FAM107A: variants seen among roughly 807,000 people sequenced by gnomAD.
FAM107A encodes the protein actin-associated protein FAM107A.
Under a neutral mutation model 13.7 loss-of-function variants are expected in FAM107A, and 19 were observed. The ratio of observed to expected loss-of-function variants is 1.38; its 90% CI spans 0.97 to 2.03. The LOEUF (loss-of-function observed/expected upper bound fraction) is 2.03. Among genes scored for constraint, FAM107A ranks in the 30% most tolerant of loss-of-function variants. The pLI, the probability that FAM107A is intolerant of heterozygous loss-of-function variation, is 0.00. For missense variants in FAM107A, 203 were observed against 184.4 expected, an observed-to-expected ratio of 1.10 and a Z score of -0.58; for synonymous variants, 82 against 74.5, an observed-to-expected ratio of 1.10 and a Z score of -0.52.
upstream of FAM107A, among the ~76,000 whole-genome samples, chr3:58,590,313 T>C (rs2108064587): frequency 6.6e-6 from 1 of 152,338 alleles, no homozygotes. Flanking sequence ...CCTTGCCCTG[T>C]CTTCCTGCAA....
chr3:58,591,277 C>G (rs2065652303), upstream of FAM107A, among the ~76,000 whole-genome samples: 1 of 152,144 alleles, frequency 6.6e-6, no homozygotes, highest in African/African-American at 2.4e-5. The surrounding 1 kb of genome is among the most constrained non-coding windows in gnomAD (Gnocchi z 4.3). Context: ...ATGCTCAGTT[C>G]AGACAGGTCT....
chr3:58,576,272 A>G (rs886826423), intron 1 of FAM107A, among the ~76,000 whole-genome samples: 1 of 152,226 alleles, frequency 6.6e-6, no homozygotes, highest in South Asian at 2.1e-4. Flanking sequence ...GTCCGTTGCA[A>G]CTTCCTACCT....
At chr3:58,587,230 T>C (rs1447195198), upstream of FAM107A, 9 of 640,554 alleles carry the variant, frequency 1.4e-5, no homozygotes, top group Non-Finnish European at 2.0e-5. Context: ...GAGAACACAG[T>C]GTCCTGACTT....
At chr3:58,622,250 C>G (rs1419475521) in intron 1 of FAM107A, among the ~76,000 whole-genome samples, 1 of 152,092 alleles carries the variant, frequency 6.6e-6, no homozygotes, top group East Asian at 1.9e-4. Flanking sequence ...ACCAGCCTGG[C>G]CAACATGACA....
chr3:58,611,619 A>G (rs1438588977), intron 1 of FAM107A, among the ~76,000 whole-genome samples: 2 of 152,222 alleles, frequency 1.3e-5, no homozygotes, highest in Non-Finnish European at 2.9e-5. Flanking sequence ...CACCCACTGC[A>G]CTGGGCAGTG....
At chr3:58,571,062 G>C (rs528566011) in intron 1 of FAM107A, among the ~76,000 whole-genome samples, 3 of 152,354 alleles carry the variant, frequency 2.0e-5, no homozygotes, top group East Asian at 3.9e-4. Context: ...CCCAAATGCA[G>C]TTTCATGGAT....
At position 58,603,001 on chromosome 3, in the gene FAM107A, G is replaced by A. The variant is rs376430370; in HGVS notation, c.-69-13732C>T. ...AAATGTCCCCAGTGATTATAAACAA[G>A]TGGTGGGGAATTTTATTCATTAATT... is the stretch of plus-strand genomic sequence containing the variant. On this transcript the variant is annotated intron_variant, in intron 1 of 3. Transcript: ENST00000465970. Among the ~76,000 whole-genome samples the A allele has an allele frequency of 2.6e-5, 4 of 152,184 alleles. No homozygotes were observed. The East Asian group carries it at 7.7e-4, about 29-fold the overall frequency.
At chr3:58,611,315 C>A (rs1243821992) in intron 1 of FAM107A, among the ~76,000 whole-genome samples, 4 of 152,246 alleles carry the variant, frequency 2.6e-5, no homozygotes, top group Non-Finnish European at 4.4e-5. Context: ...TCACTCCCCA[C>A]TCCCAGTCTA....
chr3:58,614,458 G>A (rs1049520228), intron 1 of FAM107A, among the ~76,000 whole-genome samples: 23 of 151,558 alleles, frequency 1.5e-4, no homozygotes, highest in African/African-American at 4.9e-4. Flanking sequence ...CTATAAAACT[G>A]CTGTTCTGAT....
chr3:58,576,544 C>T (rs888591079), intron 1 of FAM107A, among the ~76,000 whole-genome samples: 1 of 152,254 alleles, frequency 6.6e-6, no homozygotes, highest in African/African-American at 2.4e-5. Flanking sequence ...GGATCTAAGC[C>T]ACCCAGAGAT....
upstream of FAM107A, among the ~76,000 whole-genome samples, chr3:58,591,612 C>T (rs564831083): frequency 6.6e-5 from 10 of 152,314 alleles, no homozygotes; most frequent in South Asian, 4.1e-4. The surrounding 1 kb of genome is among the most constrained non-coding windows in gnomAD (Gnocchi z 4.3). Context: ...GGGAAGCTCC[C>T]GCATTCTGCC....
intron 1 of FAM107A, among the ~76,000 whole-genome samples, chr3:58,625,513 A>G (rs1204524846): frequency 1.3e-5 from 2 of 152,244 alleles, no homozygotes; most frequent in Non-Finnish European, 2.9e-5. Context: ...CTCCACCCTC[A>G]GATCACACTA....
At chr3:58,574,620 G>A (rs977822831) in intron 1 of FAM107A, among the ~76,000 whole-genome samples, 1 of 152,250 alleles carries the variant, frequency 6.6e-6, no homozygotes, top group Non-Finnish European at 1.5e-5. Context: ...TGGGCATGGG[G>A]TGGAGGCCAC....
chr3:58,619,865 G>A (rs2065936685), intron 1 of FAM107A, among the ~76,000 whole-genome samples: 1 of 152,232 alleles, frequency 6.6e-6, no homozygotes, highest in Non-Finnish European at 1.5e-5. Context: ...GTGTGTATGT[G>A]TGTGTGGTGG....
At chr3:58,582,302 C>G (rs116215494), upstream of FAM107A, among the ~76,000 whole-genome samples, 1 of 152,242 alleles carries the variant, frequency 6.6e-6, no homozygotes, top group Non-Finnish European at 1.5e-5. Flanking sequence ...ATCTGGCAGC[C>G]CTACCTGGCA....
In FAM107A at chr3:58,564,283, A is replaced by C. The variant is rs1263262581; in HGVS notation, c.*2305T>G. 3 of 152,194 alleles carry C rather than the reference A, an allele frequency of 2.0e-5. No individual in the cohort carries two copies. Among genetic ancestry groups the C allele is most frequent in the Non-Finnish European group, 4.4e-5 (3 of 68,050 alleles). The allele number at this position is 152,194 out of a possible 1,614,324, so 9.4% of individuals were successfully genotyped here. ...GGCTCCAGGCATCACACCCTCAATC[A>C]AGGTAGGAAGAAGAGGCCCAGGGAG... is the stretch of plus-strand genomic sequence containing the variant. On this transcript the variant is annotated 3_prime_UTR_variant, in exon 4 of 4. Transcript: ENST00000360997. This position sits in a 1 kb window ranked among gnomAD's most constrained non-coding sequence, Gnocchi z 5.6.
upstream of FAM107A, chr3:58,577,784 G>A (rs1252199179): frequency 2.0e-5 from 19 of 958,288 alleles, no homozygotes; most frequent in Non-Finnish European, 2.2e-5. The surrounding 1 kb of genome is among the most constrained non-coding windows in gnomAD (Gnocchi z 4.9). Flanking sequence ...TTCTTCAGGA[G>A]AAAATGGCTC....
At chr3:58,584,165 C>T (rs1414816520) in intron 1 of FAM107A, among the ~76,000 whole-genome samples, 1 of 152,172 alleles carries the variant, frequency 6.6e-6, no homozygotes, top group Non-Finnish European at 1.5e-5. Context: ...ATCTCAGCTT[C>T]ACTCTCGATG....
chr3:58,602,292 C>T (rs13076420), intron 1 of FAM107A, among the ~76,000 whole-genome samples: 20,779 of 152,012 alleles, frequency 0.14, 1,794 homozygotes, highest in Non-Finnish European at 0.18. Context: ...ATCAGATTGG[C>T]AAAAATGAAA....
Sources: gnomAD v4.1 joint callset for allele counts (sites outside exome capture counted in the v4.1 genomes callset) on GRCh38, gnomAD v4.1.1 for gene constraint, Gnocchi (gnomAD v3.1) non-coding constraint, MANE v1.5 for transcripts, NCBI Gene and HGNC (gene_info 2026-07-23, HGNC 2026-07-21) for gene names.